MDGA2: variants seen among roughly 807,000 people sequenced by gnomAD.
MDGA2 encodes the protein MAM domain containing glycosylphosphatidylinositol anchor 2.
A neutral mutation model predicts 117.8 loss-of-function variants in MDGA2; 40 were observed. The observed-to-expected ratio is 0.34, with a 90% CI of 0.26 to 0.44. The LOEUF is 0.44. MDGA2 is among the 20% of genes least tolerant of loss of function. The probability of loss-of-function intolerance (pLI) is 1.00; values close to 1 mark genes in which losing one functional copy is unlikely to be tolerated. For synonymous variants in MDGA2, 452 were observed against 439.0 expected, an observed-to-expected ratio of 1.03 and a Z score of -0.37; for missense variants, 1,123 against 1,250.6, an observed-to-expected ratio of 0.90 and a Z score of 1.54.
intron 7 of MDGA2, among the ~76,000 whole-genome samples, chr14:47,052,153 T>C (rs1430406629): frequency 6.6e-6 from 1 of 151,852 alleles, no homozygotes; most frequent in Non-Finnish European, 1.5e-5. Context: ...TCAGCCCTCA[T>C]TGGATTGGAG....
chr14:47,257,539 T>C (rs1263879272), intron 2 of MDGA2, among the ~76,000 whole-genome samples: 2 of 152,186 alleles, frequency 1.3e-5, no homozygotes, highest in African/African-American at 2.4e-5. Flanking sequence ...AGAATGTTCA[T>C]GAGGACAGGA....
At chr14:47,398,037 A>C (rs1892052853) in intron 1 of MDGA2, among the ~76,000 whole-genome samples, 1 of 152,230 alleles carries the variant, frequency 6.6e-6, no homozygotes. Flanking sequence ...ACCATTATTA[A>C]CCTAATTTTA....
intron 8 of MDGA2, among the ~76,000 whole-genome samples, chr14:47,031,318 T>A (rs1011698949): frequency 6.6e-6 from 1 of 151,992 alleles, no homozygotes; most frequent in African/African-American, 2.4e-5. Flanking sequence ...CTCCTTTAGT[T>A]TTTTTGAGTG....
Position 46,845,771 on chromosome 14 carries a change from G to A in MDGA2, c.2984C>T (p.Thr995Ile). ...TCTCAAGCAAAGATACTTACTCTTA[G>A]TTGCTAGGTCTTGTTTTGCACATTC... ...EGECAKQDLATKNSVDGAVGI... is the reference protein window; with the variant it reads ...EGECAKQDLAIKNSVDGAVGI... The change falls in exon 16 of 17, where the codon ACT (threonine) becomes ATT (isoleucine). Residue 995 changes from threonine to isoleucine, a missense_variant. Coordinates refer to ENST00000399232, the MANE Select transcript of MDGA2 (RefSeq NM_001113498.3). The A allele has an allele frequency of 6.2e-7, 1 of 1,604,128 alleles. No homozygotes were observed. The highest frequency in any genetic ancestry group is 8.5e-7 in the Non-Finnish European group (1 of 1,171,844).
chr14:47,415,884 C>T lies in MDGA2; in HGVS notation c.281-114334G>A, dbSNP rs149487645. ...GGCCTCTTTTATAAGGGTGCTAATGCGAATCATGAGGACTCCACCTGCATG... is the reference window on the plus strand; with the variant it reads ...GGCCTCTTTTATAAGGGTGCTAATGTGAATCATGAGGACTCCACCTGCATG... On this transcript the variant is annotated intron_variant, in intron 1 of 16. Transcript: ENST00000399232. Among the ~76,000 whole-genome samples the T allele has an allele frequency of 1.2e-3, 183 of 152,120 alleles. 1 individual carries two copies. Among genetic ancestry groups the T allele is most frequent in the African/African-American group, 4.0e-3 (166 of 41,506 alleles).
rs181601244 is a variant in MDGA2, at chr14:47,386,054, G to A, written c.281-84504C>T. On this transcript the variant is annotated intron_variant, in intron 1 of 16. Transcript: ENST00000399232. ...CCAGCACTTTGGGGGGCTGAGGCAG[G>A]TTGGATCACCTGAGGTCAGGAGTTC... Among the ~76,000 whole-genome samples the A allele has an allele frequency of 1.9e-3, 290 of 152,224 alleles. 1 individual carries two copies. The highest frequency in any genetic ancestry group is 3.4e-3 in the Middle Eastern group (1 of 294).
chr14:46,967,677 C>G (rs372526497), intron 8 of MDGA2, among the ~76,000 whole-genome samples: 1 of 152,100 alleles, frequency 6.6e-6, no homozygotes, highest in South Asian at 2.1e-4. Flanking sequence ...AGTTGTCCCC[C>G]CTTATCCATG....
At chr14:47,076,093 A>C (rs1566609620) in intron 6 of MDGA2, among the ~76,000 whole-genome samples, 1 of 152,118 alleles carries the variant, frequency 6.6e-6, no homozygotes, top group Non-Finnish European at 1.5e-5. Context: ...CAAGGAAATA[A>C]ATTAATCCTT....
At chr14:47,561,595 G>A (rs1895818477) in intron 1 of MDGA2, among the ~76,000 whole-genome samples, 1 of 152,182 alleles carries the variant, frequency 6.6e-6, no homozygotes, top group African/African-American at 2.4e-5. Flanking sequence ...AAACTTTGCT[G>A]AAGTTGTTTA....
intron 1 of MDGA2, among the ~76,000 whole-genome samples, chr14:47,563,129 A>T (rs1293312579): frequency 6.6e-6 from 1 of 152,016 alleles, no homozygotes; most frequent in Non-Finnish European, 1.5e-5. Context: ...TTTAAAAAAA[A>T]ATTTCTGAGG....
intron 1 of MDGA2, among the ~76,000 whole-genome samples, chr14:47,487,931 A>G (rs1221748014): frequency 2.0e-5 from 3 of 152,152 alleles, no homozygotes; most frequent in East Asian, 3.9e-4. Flanking sequence ...TATGTATCAT[A>G]CCAGAATTTT....
chr14:46,923,879 G>A (rs896470239), intron 9 of MDGA2, among the ~76,000 whole-genome samples: 8 of 151,894 alleles, frequency 5.3e-5, no homozygotes, highest in African/African-American at 1.7e-4. Context: ...GACATCTACT[G>A]GTTGAACAGG....
At chr14:46,969,823 T>C (rs1350137818) in intron 8 of MDGA2, among the ~76,000 whole-genome samples, 2 of 151,342 alleles carry the variant, frequency 1.3e-5, no homozygotes, top group Non-Finnish European at 2.9e-5. Context: ...TTAGGAGATA[T>C]ACCTAATGTA....
At chr14:46,964,919 C>CTTTTTT (rs746778179) in intron 8 of MDGA2, among the ~76,000 whole-genome samples, 3,653 of 89,622 alleles carry the variant, frequency 0.041, 431 homozygotes, top group Non-Finnish European at 0.057. Context: ...TATATATTTA[C>CTTTTTT]TTTTTTTTTT....
chr14:47,367,862 G>C (rs1004072877), intron 1 of MDGA2, among the ~76,000 whole-genome samples: 1 of 152,116 alleles, frequency 6.6e-6, no homozygotes, highest in African/African-American at 2.4e-5. Flanking sequence ...GATGTTCTTT[G>C]TATCTATCTG....
At chr14:47,604,239 T>C (rs1896699418) in intron 1 of MDGA2, among the ~76,000 whole-genome samples, 2 of 151,994 alleles carry the variant, frequency 1.3e-5, no homozygotes, top group South Asian at 4.2e-4. Context: ...AATGTCACTT[T>C]CTCCTTTCCT....
intron 7 of MDGA2, among the ~76,000 whole-genome samples, chr14:47,038,055 GAGT>G (rs1361928067): frequency 6.6e-6 from 1 of 152,078 alleles, no homozygotes; most frequent in Non-Finnish European, 1.5e-5. Context: ...TCAGCCTCCT[GAGT>G]AGCTGGGATT....
intron 2 of MDGA2, among the ~76,000 whole-genome samples, chr14:47,260,614 T>C (rs1229608736): frequency 1.3e-5 from 2 of 152,080 alleles, no homozygotes; most frequent in African/African-American, 2.4e-5. Context: ...CTGAACAGCA[T>C]AGACAACAAC....
At chr14:46,907,000 C>T (rs1323244876) in intron 10 of MDGA2, among the ~76,000 whole-genome samples, 12 of 109,804 alleles carry the variant, frequency 1.1e-4, no homozygotes, top group Non-Finnish European at 1.4e-4. Context: ...TTTTTTGAGA[C>T]GAGTCTTGCT....
Sources: allele counts gnomAD v4.1 joint callset (sites outside exome capture counted in the v4.1 genomes callset), GRCh38; gene constraint gnomAD v4.1.1; transcripts MANE v1.5; gene names NCBI Gene and HGNC (gene_info 2026-07-23, HGNC 2026-07-21).